The following TAF3 variants were observed in gnomAD, a reference collection of about 807,000 sequenced individuals.
The protein encoded by TAF3 is transcription initiation factor TFIID subunit 3.
A neutral mutation model predicts 80.6 loss-of-function variants in TAF3; 7 were observed. The observed-to-expected ratio is 0.09, with a 90% CI of 0.05 to 0.16. TAF3 has a LOEUF of 0.16. TAF3 is among the 10% of genes least tolerant of loss of function. The pLI is 1.00. For missense variants in TAF3, 921 were observed against 1,140.2 expected (o/e 0.81, Z 2.77); for synonymous variants, 444 against 446.1 (o/e 1.00, Z 0.06).
intron 4 of TAF3, among the ~76,000 whole-genome samples, chr10:7,982,583 A>G (rs1831735807): frequency 6.6e-6 from 1 of 152,136 alleles, no homozygotes; most frequent in Non-Finnish European, 1.5e-5. Context: ...TAGTTTTAGT[A>G]GAGATGGGGT....
At chr10:8,011,989 C>A (rs1352396450) in intron 5 of TAF3, among the ~76,000 whole-genome samples, 1 of 152,074 alleles carries the variant, frequency 6.6e-6, no homozygotes, top group Admixed American at 6.6e-5. Flanking sequence ...CTAGTCTGGG[C>A]AACATAGTGA....
Position 7,970,466 on chromosome 10 carries a change from G to C in TAF3, c.2232+4724G>C, listed in dbSNP as rs150019476. Among the ~76,000 whole-genome samples, 47 of 152,344 alleles carry C rather than the reference G, an allele frequency of 3.1e-4. 1 individual carries two copies. The East Asian group carries it at 8.3e-3, about 27-fold the overall frequency. On this transcript the variant is annotated intron_variant, in intron 3 of 6. Coordinates refer to ENST00000344293, the MANE Select transcript of TAF3 (RefSeq NM_031923.4). ...CAGTGAGGGGAGGGGGCCCAGGCCT[G>C]TCTGCCCGAGGCCTGTGTTGTTTAC...
chr10:7,831,826 T>A (rs1171884382), intron 2 of TAF3, among the ~76,000 whole-genome samples: 2 of 152,156 alleles, frequency 1.3e-5, no homozygotes. Flanking sequence ...CTATGCTTGG[T>A]ATAAATTATC....
chr10:7,833,125 A>G (rs1332104373), intron 2 of TAF3, among the ~76,000 whole-genome samples: 1 of 152,230 alleles, frequency 6.6e-6, no homozygotes, highest in Non-Finnish European at 1.5e-5. Context: ...CACTTAGGTT[A>G]TTTCTGTAAC....
chr10:7,826,009 C>T (rs1021433667), intron 2 of TAF3, among the ~76,000 whole-genome samples: 1 of 152,208 alleles, frequency 6.6e-6, no homozygotes, highest in Non-Finnish European at 1.5e-5. Flanking sequence ...TTCTTAGAAT[C>T]GGTTCTACTT....
intron 4 of TAF3, among the ~76,000 whole-genome samples, chr10:8,008,149 T>C (rs1832015370): frequency 7.1e-6 from 1 of 140,942 alleles, no homozygotes. Flanking sequence ...CAAGCTAGAG[T>C]GCAGTGGCGA....
intron 6 of TAF3, 110 bp downstream of exon 6, chr10:8,013,947 C>G (rs1832079941): frequency 2.3e-6 from 2 of 884,362 alleles, no homozygotes; most frequent in East Asian, 4.8e-5. Flanking sequence ...CCAGGGCTGT[C>G]CTAGGGACAG....
At chr10:7,830,937 A>G (rs1055524800) in intron 2 of TAF3, among the ~76,000 whole-genome samples, 4 of 152,182 alleles carry the variant, frequency 2.6e-5, no homozygotes, top group Admixed American at 2.0e-4. Flanking sequence ...GTGTTTCTCA[A>G]AATTGGCAGC....
chr10:7,962,700 C>G (rs1831522274), intron 2 of TAF3, among the ~76,000 whole-genome samples: 1 of 152,200 alleles, frequency 6.6e-6, no homozygotes, highest in Admixed American at 6.5e-5. Context: ...AATCAAGCCT[C>G]CTCCGCATGA....
chr10:7,931,128 G>C (rs1047759499), intron 2 of TAF3, among the ~76,000 whole-genome samples: 1 of 152,132 alleles, frequency 6.6e-6, no homozygotes, highest in Non-Finnish European at 1.5e-5. Flanking sequence ...TATTATACTT[G>C]ATTAATCCAC....
intron 2 of TAF3, among the ~76,000 whole-genome samples, chr10:7,875,552 C>T (rs1230800531): frequency 3.9e-5 from 6 of 152,256 alleles, no homozygotes; most frequent in East Asian, 1.9e-4. Flanking sequence ...CCAGCGGGCA[C>T]GAAGGGGTTG....
At chr10:7,973,839 A>G (rs1831643811) in intron 3 of TAF3, among the ~76,000 whole-genome samples, 1 of 152,190 alleles carries the variant, frequency 6.6e-6, no homozygotes, top group Non-Finnish European at 1.5e-5. Flanking sequence ...TAAAAAATAT[A>G]TTGGAGACAG....
At chr10:7,902,567 T>C (rs1837568808) in intron 2 of TAF3, among the ~76,000 whole-genome samples, 1 of 152,236 alleles carries the variant, frequency 6.6e-6, no homozygotes, top group South Asian at 2.1e-4. Flanking sequence ...TGTTGTTTCC[T>C]TTTCAGTGTG....
intron 2 of TAF3, among the ~76,000 whole-genome samples, chr10:7,836,751 A>G (rs914310620): frequency 3.9e-5 from 6 of 152,214 alleles, no homozygotes; most frequent in Non-Finnish European, 7.3e-5. Context: ...TTTCCAAAAT[A>G]TTATTGCATC....
At chr10:7,895,521 C>T (rs554821648) in intron 2 of TAF3, among the ~76,000 whole-genome samples, 2 of 152,272 alleles carry the variant, frequency 1.3e-5, no homozygotes, top group East Asian at 3.9e-4. Flanking sequence ...AACACCTTGG[C>T]CTGCCACATC....
intron 2 of TAF3, among the ~76,000 whole-genome samples, chr10:7,884,724 G>C (rs944180539): frequency 2.0e-5 from 3 of 152,128 alleles, no homozygotes; most frequent in Non-Finnish European, 4.4e-5. Context: ...CTAGAATCCA[G>C]GGCACTAGGA....
rs969640510 is a variant in TAF3 at position 7,902,423 on chromosome 10, T to TA, written c.410-61488dup. On this transcript the variant is annotated intron_variant, in intron 2 of 6. Transcript: ENST00000344293. ...GGGCAACAAGAGCGAAACTCTGTCT[T>TA]AAAAAAAAATAATAAAAAAAGAATC... Among the ~76,000 whole-genome samples the TA allele has an allele frequency of 7.1e-4, 108 of 151,256 alleles. 1 individual carries two copies. In the Middle Eastern group the frequency reaches 0.01, roughly 14 times the overall value.
chr10:8,013,232 G>A (rs1420970221), intron 5 of TAF3, among the ~76,000 whole-genome samples: 1 of 152,200 alleles, frequency 6.6e-6, no homozygotes, highest in Non-Finnish European at 1.5e-5. Context: ...TCCTTCAGGA[G>A]AAGGGCTTGG....
At chr10:7,919,179 T>C (rs1837740390) in intron 2 of TAF3, among the ~76,000 whole-genome samples, 1 of 152,184 alleles carries the variant, frequency 6.6e-6, no homozygotes, top group African/African-American at 2.4e-5. Context: ...TCCAGTTGGA[T>C]GTCCTAGGAG....
Sources: allele counts gnomAD v4.1 joint callset (sites outside exome capture counted in the v4.1 genomes callset), GRCh38; gene constraint gnomAD v4.1.1; transcripts MANE v1.5; gene names NCBI Gene and HGNC (gene_info 2026-07-23, HGNC 2026-07-21).